Variants in CST9 observed in about 807,000 individuals in gnomAD.
CST9 encodes cystatin 9.
CST9 carries 11 observed loss-of-function variants against 7.7 expected under a neutral mutation model. The observed-to-expected ratio is 1.44, with a 90% confidence interval of 0.90 to 2.38. The LOEUF (loss-of-function observed/expected upper bound fraction) is 2.38, where lower values mean the gene tolerates loss of function less well. CST9 is among the 30% of genes most tolerant of loss of function. The pLI, the probability that CST9 is intolerant of heterozygous loss-of-function variation, is 0.00. For missense variants in CST9, 214 were observed against 199.1 expected (o/e 1.07, Z -0.45); for synonymous variants, 71 against 74.3 (o/e 0.96, Z 0.23).
chr20:23,603,973 C>A (rs949668288), intron 1 of CST9, among the ~76,000 whole-genome samples: 1 of 152,126 alleles, frequency 6.6e-6, no homozygotes, highest in African/African-American at 2.4e-5. Context: ...CTGAGTCAGA[C>A]CCCACTAACA....
intron 1 of CST9, among the ~76,000 whole-genome samples, chr20:23,605,133 CT>C (rs1433678092): frequency 6.6e-6 from 1 of 151,980 alleles, no homozygotes; most frequent in Admixed American, 6.6e-5. Context: ...TGATGGTGTT[CT>C]TTATTGCCCT....
chr20:23,605,659 C>T lies in CST9; in HGVS notation c.206G>A (p.Arg69Lys). The T allele has an allele frequency of 1.2e-6, 2 of 1,614,194 alleles. No homozygotes were observed. The highest frequency in any genetic ancestry group is 1.7e-6 in the Non-Finnish European group (2 of 1,180,042). Reference sequence around the variant, plus strand: ...CCATGAACTCAGGACGCGCAACAGCCTGTAGGCATGCTCCTCCTTGCTCTG... The same window carrying T: ...CCATGAACTCAGGACGCGCAACAGCTTGTAGGCATGCTCCTCCTTGCTCTG... ...NVQSKEEHAY[R>K]LLRVLSSWRE... Residue 69 changes from arginine to lysine, a missense_variant, in exon 1 of 2, where the codon AGG (arginine) becomes AAG (lysine). Transcript: ENST00000376971.
At position 23,603,053 on chromosome 20, in the gene CST9, T is replaced by C; in HGVS notation, c.*457A>G. On this transcript the variant is annotated 3_prime_UTR_variant, in exon 2 of 2. Coordinates refer to ENST00000376971, the MANE Select transcript of CST9 (RefSeq NM_001008693.3). ...GTCCCAGTGGAAGCAGTTCCCAGAC[T>C]TAGGCAATTAGTTACCTATTTGTTA... 2 of 1,012,882 alleles carry C rather than the reference T, an allele frequency of 2.0e-6. No individual in the cohort carries two copies. Among genetic ancestry groups the C allele is most frequent in the Non-Finnish European group, 2.4e-6 (2 of 847,216 alleles). 62.7% of individuals were successfully genotyped at this position (1,012,882 alleles called of 1,614,324 possible).
At position 23,603,225 on chromosome 20, in the gene CST9, G is replaced by A. The variant is rs778185964; in HGVS notation, c.*285C>T. On this transcript the variant is annotated 3_prime_UTR_variant, in exon 2 of 2. Transcript: ENST00000376971. ...CTTCTTCTCAGCCTCCACCACTTTT[G>A]GGTCTAGGGCAGGGTAGGGAAACCC... 3.1e-6 allele frequency: 4 copies of A among 1,271,400 alleles called. No homozygotes were observed. Among genetic ancestry groups the A allele is most frequent in the Non-Finnish European group, 4.0e-6 (4 of 1,002,914 alleles). The allele number at this position is 1,271,400 out of a possible 1,614,324, so 78.8% of individuals were successfully genotyped here.
intron 1 of CST9, among the ~76,000 whole-genome samples, chr20:23,604,389 T>G (rs1600347240): frequency 6.6e-6 from 1 of 152,218 alleles, no homozygotes; most frequent in African/African-American, 2.4e-5. Context: ...AAACTGATGC[T>G]GGGATTGCCA....
chr20:23,603,450 G>A lies in CST9; in HGVS notation c.*60C>T. 6.3e-7 allele frequency: 1 copy of A among 1,580,284 alleles called. No homozygotes were observed. The highest frequency in any genetic ancestry group is 8.6e-7 in the Non-Finnish European group (1 of 1,162,048). ...CTGAAAGTGAACCCCTGGGCTTAAT[G>A]CCTCACTGGGCTTCCCACTAAGGCA... On this transcript the variant is annotated 3_prime_UTR_variant, in exon 2 of 2. Transcript: ENST00000376971.
chr20:23,605,480 C>A, intron 1 of CST9, 130 bp downstream of exon 1: 3 of 1,044,620 alleles, frequency 2.9e-6, no homozygotes, highest in Non-Finnish European at 4.2e-6. Context: ...ACTAAAACTA[C>A]CGTAATTGGT....
rs2122407424 is a variant in CST9, at chr20:23,603,743, C to A, written c.256-9G>T. Reference sequence around the variant, plus strand: ...ACCATCTTACCTCGCCACTGTTGGACAAAAGAAGATTAAAGTGGATGCACC... The same window carrying A: ...ACCATCTTACCTCGCCACTGTTGGAAAAAAGAAGATTAAAGTGGATGCACC... On this transcript the variant is annotated splice_polypyrimidine_tract_variant and intron_variant, in intron 1 of 1. Transcript: ENST00000376971. The A allele has an allele frequency of 6.2e-7, 1 of 1,613,942 alleles. No individual in the cohort carries two copies.
chr20:23,605,773 G>T lies in CST9; in HGVS notation c.92C>A (p.Ser31Tyr). ...FQLLVTYAWCSEEEMGGNNKI... is the reference protein window; with the variant it reads ...FQLLVTYAWCYEEEMGGNNKI... Reference sequence around the variant, plus strand: ...ATTATTACCACCCATTTCCTCTTCAGAACACCAGGCATAAGTCACCAGGAG... The same window carrying T: ...ATTATTACCACCCATTTCCTCTTCATAACACCAGGCATAAGTCACCAGGAG... The change falls in exon 1 of 2, where the codon TCT becomes TAT. Residue 31 changes from serine (S) to tyrosine (Y), a missense_variant. Transcript: ENST00000376971. The T allele has an allele frequency of 1.2e-6, 2 of 1,614,224 alleles. No individual in the cohort carries two copies. The highest frequency in any genetic ancestry group is 2.2e-5 in the East Asian group (1 of 44,884).
chr20:23,605,865 G>A lies in CST9; in HGVS notation c.-1C>T, dbSNP rs1293691982. ...CCTTCCTCCTCTGCGGACTCGACAT[G>A]ATGCAGGCTCCAGCAGCCCTTGCCT... On this transcript the variant is annotated 5_prime_UTR_variant, in exon 1 of 2. Transcript: ENST00000376971. 8 of 1,613,864 alleles carry A rather than the reference G, an allele frequency of 5.0e-6. No individual in the cohort carries two copies. The highest frequency in any genetic ancestry group is 1.7e-6 in the Non-Finnish European group (2 of 1,180,004).
chr20:23,603,504 G>A lies in CST9; in HGVS notation c.*6C>T. On this transcript the variant is annotated 3_prime_UTR_variant, in exon 2 of 2. Coordinates refer to ENST00000376971, the MANE Select transcript of CST9 (RefSeq NM_001008693.3). ...GCAGGGCAGCCTGGTACAGCCTGCT[G>A]TGGGCTCACTTCCCTTTGTCCCTCG... The A allele has an allele frequency of 1.2e-6, 2 of 1,613,944 alleles. No homozygotes were observed. The highest frequency in any genetic ancestry group is 8.5e-7 in the Non-Finnish European group (1 of 1,179,892).
Position 23,603,645 on chromosome 20 carries a change from A to C in CST9, c.345T>G (p.Phe115Leu), listed in dbSNP as rs1049276916. The C allele has an allele frequency of 1.2e-6, 2 of 1,614,208 alleles. No homozygotes were observed. Among genetic ancestry groups the C allele is most frequent in the South Asian group, 2.2e-5 (2 of 91,086 alleles). ...KFEDDIDNCP[F>L]QESLELNNVR... ...CGTTGTTCAGCTCCAGGCTTTCTTGAAAAGGGCAGTTGTCAATGTCATCTT... is the reference window on the plus strand; with the variant it reads ...CGTTGTTCAGCTCCAGGCTTTCTTGCAAAGGGCAGTTGTCAATGTCATCTT... The change falls in exon 2 of 2, where the codon TTT becomes TTG. Residue 115 changes from phenylalanine to leucine, a missense_variant. Physicochemically the swap from Phe to Leu is conservative, Grantham distance 22 (BLOSUM62 0). Coordinates refer to ENST00000376971, the MANE Select transcript of CST9 (RefSeq NM_001008693.3).
chr20:23,603,262 C>T lies in CST9; in HGVS notation c.*248G>A. On this transcript the variant is annotated 3_prime_UTR_variant, in exon 2 of 2. Coordinates refer to ENST00000376971, the MANE Select transcript of CST9 (RefSeq NM_001008693.3). Reference sequence around the variant, plus strand: ...GGGTAGGGAAACCCTGAGAAAAGTACCCACAGACATTGTCACCATTGTCTC... The same window carrying T: ...GGGTAGGGAAACCCTGAGAAAAGTATCCACAGACATTGTCACCATTGTCTC... 7.3e-7 allele frequency: 1 copy of T among 1,371,576 alleles called. No homozygotes were observed. The highest frequency in any genetic ancestry group is 1.6e-5 in the South Asian group (1 of 62,894). The allele number at this position is 1,371,576 out of a possible 1,614,324, so 85.0% of individuals were successfully genotyped here.
intron 1 of CST9, among the ~76,000 whole-genome samples, chr20:23,604,749 C>T (rs1421021666): frequency 6.6e-6 from 1 of 152,188 alleles, no homozygotes; most frequent in Admixed American, 6.5e-5. Flanking sequence ...AGTGAGGAAT[C>T]CACCCCAGGA....
rs1978668750 is a variant in CST9 at position 23,603,358 on chromosome 20, G to A, written c.*152C>T. The A allele has an allele frequency of 2.1e-6, 3 of 1,444,702 alleles. No homozygotes were observed. The highest frequency in any genetic ancestry group is 2.7e-6 in the Non-Finnish European group (3 of 1,104,128). 89.5% of individuals were successfully genotyped at this position (1,444,702 alleles called of 1,614,324 possible). On this transcript the variant is annotated 3_prime_UTR_variant, in exon 2 of 2. Transcript: ENST00000376971. ...AGAGAGAAGGTTCTGAAGGCCATGTGGCCCAGGTGCAGGCAGCTGCAATGG... is the reference window on the plus strand; with the variant it reads ...AGAGAGAAGGTTCTGAAGGCCATGTAGCCCAGGTGCAGGCAGCTGCAATGG...
chr20:23,605,844 C>T lies in CST9; in HGVS notation c.21G>A (p.Arg7=). The change falls in exon 1 of 2, where the codon AGG becomes AGA. Residue 7 remains arginine (R), a synonymous_variant. Coordinates refer to ENST00000376971, the MANE Select transcript of CST9 (RefSeq NM_001008693.3). Reference sequence around the variant, plus strand: ...GTGACAGTGCCCAGGGCATAGCCTTCCTCCTCTGCGGACTCGACATGATGC... The same window carrying T: ...GTGACAGTGCCCAGGGCATAGCCTTTCTCCTCTGCGGACTCGACATGATGC... MSSPQR[R]KAMPWALSLL... 1 of 1,614,206 alleles carries T rather than the reference C, an allele frequency of 6.2e-7. No homozygotes were observed. Among genetic ancestry groups the T allele is most frequent in the South Asian group, 1.1e-5 (1 of 91,082 alleles).
At position 23,603,195 on chromosome 20, in the gene CST9, T is replaced by C. The variant is rs1244939513; in HGVS notation, c.*315A>G. On this transcript the variant is annotated 3_prime_UTR_variant, in exon 2 of 2. Coordinates refer to ENST00000376971, the MANE Select transcript of CST9 (RefSeq NM_001008693.3). Reference sequence around the variant, plus strand: ...CAGCAGGGCCTAGGAGCGAGGGCAGTGGGGCTTCTTCTCAGCCTCCACCAC... The same window carrying C: ...CAGCAGGGCCTAGGAGCGAGGGCAGCGGGGCTTCTTCTCAGCCTCCACCAC... The C allele has an allele frequency of 1.4e-5, 17 of 1,208,812 alleles. No homozygotes were observed. Among genetic ancestry groups the C allele is most frequent in the Non-Finnish European group, 1.8e-5 (17 of 966,324 alleles). 74.9% of individuals were successfully genotyped at this position (1,208,812 alleles called of 1,614,324 possible).
Position 23,605,806 on chromosome 20 carries a change from C to G in CST9, c.59G>C (p.Gly20Ala), listed in dbSNP as rs778497135. ...GGCATAAGTCACCAGGAGCTGGAAG[C>G]CCATGAGAAGCAGTGACAGTGCCCA... is the stretch of plus-strand genomic sequence containing the variant. ...MPWALSLLLM[G>A]FQLLVTYAWC... Residue 20 changes from glycine (G) to alanine (A), a missense_variant, in exon 1 of 2, where the codon GGC becomes GCC. Transcript: ENST00000376971. The G allele has an allele frequency of 1.2e-6, 2 of 1,614,170 alleles. No homozygotes were observed. The highest frequency in any genetic ancestry group is 3.3e-5 in the Admixed American group (2 of 60,030).
rs1211809448 is a variant in CST9 at position 23,602,680 on chromosome 20, G to C, written c.*830C>G. On this transcript the variant is annotated 3_prime_UTR_variant, in exon 2 of 2. Coordinates refer to ENST00000376971, the MANE Select transcript of CST9 (RefSeq NM_001008693.3). ...CAGGAGTTCAAAATATGTCTTCCAG[G>C]GCATGGTTTCAACAGTGAAGAAGCA... 29 of 985,354 alleles carry C rather than the reference G, an allele frequency of 2.9e-5. No individual in the cohort carries two copies. Among genetic ancestry groups the C allele is most frequent in the Middle Eastern group, 5.2e-4 (1 of 1,914 alleles). The allele number at this position is 985,354 out of a possible 1,614,324, so 61.0% of individuals were successfully genotyped here.
Sources: allele counts gnomAD v4.1 joint callset (sites outside exome capture counted in the v4.1 genomes callset), GRCh38; gene constraint gnomAD v4.1.1; transcripts MANE v1.5; gene names NCBI Gene and HGNC (gene_info 2026-07-23, HGNC 2026-07-21).